ACAP2: variants seen among roughly 807,000 people sequenced by gnomAD.
ACAP2 encodes arf-GAP with coiled-coil, ANK repeat and PH domain-containing protein 2.
In ACAP2, 39 loss-of-function variants were observed where a neutral mutation model predicts 115.8. The ratio of observed to expected loss-of-function variants is 0.34; its 90% confidence interval spans 0.26 to 0.44. ACAP2 has a LOEUF of 0.44. Among genes scored for constraint, ACAP2 ranks in the 20% least tolerant of loss-of-function variants. ACAP2 has a pLI of 1.00. For synonymous variants in ACAP2, 289 were observed against 315.8 expected, an observed-to-expected ratio of 0.92 and a Z score of 0.90; for missense variants, 662 against 927.6, an observed-to-expected ratio of 0.71 and a Z score of 3.72.
chr3:195,415,443 A>C (rs1713640809), intron 1 of ACAP2, among the ~76,000 whole-genome samples: 1 of 151,772 alleles, frequency 6.6e-6, no homozygotes, highest in Non-Finnish European at 1.5e-5. Flanking sequence ...TGCCCAGCTA[A>C]TTTTTGCATT....
At chr3:195,424,055 C>T (rs1214050971) in intron 1 of ACAP2, among the ~76,000 whole-genome samples, 2 of 151,782 alleles carry the variant, frequency 1.3e-5, no homozygotes, top group Non-Finnish European at 2.9e-5. Context: ...TTACCAACTC[C>T]TGGCTTAGAT....
intron 2 of ACAP2, 29 bp from the exon 3 acceptor site, chr3:195,382,051 T>G (rs769659146): frequency 1.3e-6 from 2 of 1,593,324 alleles, no homozygotes; most frequent in African/African-American, 2.7e-5. Flanking sequence ...ATTCATCAGG[T>G]TGAAGATAGT....
chr3:195,431,864 GTTA>G (rs1291901827), intron 1 of ACAP2, among the ~76,000 whole-genome samples: 14 of 152,068 alleles, frequency 9.2e-5, no homozygotes, highest in African/African-American at 3.4e-4. Context: ...CCCAATGCTG[GTTA>G]TTATCTGTCT....
intron 13 of ACAP2, among the ~76,000 whole-genome samples, chr3:195,304,636 AG>A (rs1365243362): frequency 6.6e-6 from 1 of 152,254 alleles, no homozygotes; most frequent in Non-Finnish European, 1.5e-5. Context: ...TGGAAGCCAG[AG>A]GATTAAATGA....
At chr3:195,398,853 A>G (rs1380336939) in intron 1 of ACAP2, among the ~76,000 whole-genome samples, 2 of 152,144 alleles carry the variant, frequency 1.3e-5, no homozygotes, top group Non-Finnish European at 2.9e-5. Flanking sequence ...GAAAGGGAGT[A>G]GTGGAAAAAC....
chr3:195,351,156 C>T (rs1452620991), intron 4 of ACAP2, among the ~76,000 whole-genome samples: 2 of 136,404 alleles, frequency 1.5e-5, no homozygotes, highest in African/African-American at 5.4e-5. Flanking sequence ...CTTGCTCTGT[C>T]GCCCAGGCTG....
At chr3:195,372,647 C>A (rs1470310880) in intron 4 of ACAP2, among the ~76,000 whole-genome samples, 1 of 151,916 alleles carries the variant, frequency 6.6e-6, no homozygotes, top group Non-Finnish European at 1.5e-5. Flanking sequence ...CACAGGAAGA[C>A]CCCCGCTCTA....
At chr3:195,379,689 A>G (rs1291648507) in intron 4 of ACAP2, among the ~76,000 whole-genome samples, 2 of 152,200 alleles carry the variant, frequency 1.3e-5, no homozygotes, top group African/African-American at 4.8e-5. Context: ...CTGTAGTCCT[A>G]GCCAATTGGG....
chr3:195,419,356 A>T (rs1488292439), intron 1 of ACAP2: 1 of 152,202 alleles, frequency 6.6e-6, no homozygotes, highest in Non-Finnish European at 1.5e-5. Context: ...CTCTCCAAAT[A>T]CATAGGATTT....
chr3:195,305,082 C>G (rs750146942), intron 13 of ACAP2, among the ~76,000 whole-genome samples: 4 of 152,124 alleles, frequency 2.6e-5, no homozygotes. Context: ...ATCCACAGCT[C>G]TAACACTGAT....
intron 2 of ACAP2, among the ~76,000 whole-genome samples, chr3:195,386,487 T>C (rs1488339210): frequency 6.6e-6 from 1 of 152,158 alleles, no homozygotes; most frequent in East Asian, 1.9e-4. Context: ...TTCATGTCCT[T>C]TGCAGAGACA....
intron 1 of ACAP2, among the ~76,000 whole-genome samples, chr3:195,425,615 C>T (rs1714624929): frequency 6.6e-6 from 1 of 152,036 alleles, no homozygotes; most frequent in African/African-American, 2.4e-5. Context: ...CAATGCCAGC[C>T]CTATTTAACA....
At chr3:195,365,275 T>TA (rs1732641118) in intron 4 of ACAP2, among the ~76,000 whole-genome samples, 1 of 152,198 alleles carries the variant, frequency 6.6e-6, no homozygotes, top group African/African-American at 2.4e-5. Flanking sequence ...ACAAGGTGTA[T>TA]AACTGGATTG....
Position 195,443,002 on chromosome 3 carries a change from G to A in ACAP2, c.-155C>T, listed in dbSNP as rs1007909375. 4 of 579,234 alleles carry A rather than the reference G, an allele frequency of 6.9e-6. No homozygotes were observed. Among genetic ancestry groups the A allele is most frequent in the Non-Finnish European group, 8.5e-6 (3 of 354,002 alleles). 35.9% of individuals were successfully genotyped at this position (579,234 alleles called of 1,614,324 possible). A position where few individuals can be genotyped will look rare whatever the true frequency, so the allele number is the denominator to read the frequency against. On this transcript the variant is annotated 5_prime_UTR_variant, in exon 1 of 23. Coordinates refer to ENST00000326793, the MANE Select transcript of ACAP2 (RefSeq NM_012287.6). ...GCCCGCTGGTCATAGCAGCCGCGAA[G>A]ACGGCGACGACTAGTCAGGCCCCAG...
intron 15 of ACAP2, 88 bp from the exon 16 acceptor site, chr3:195,297,369 G>C: frequency 9.3e-7 from 1 of 1,081,078 alleles, no homozygotes; most frequent in Non-Finnish European, 1.3e-6. Flanking sequence ...AGCAAGTACA[G>C]TTAACTAATC....
intron 1 of ACAP2, among the ~76,000 whole-genome samples, chr3:195,407,874 C>T (rs1712921678): frequency 2.0e-5 from 3 of 152,072 alleles, no homozygotes; most frequent in Non-Finnish European, 2.9e-5. Flanking sequence ...ACCAAAAACT[C>T]GTTCTTTGAA....
At chr3:195,336,850 G>T in intron 7 of ACAP2, 82 bp downstream of exon 7, 1 of 1,069,528 alleles carries the variant, frequency 9.3e-7, no homozygotes, top group East Asian at 2.5e-5. Context: ...CATGTATATA[G>T]CAGATGCTCT....
chr3:195,299,253 A>T (rs936644050), intron 15 of ACAP2, among the ~76,000 whole-genome samples: 25 of 152,242 alleles, frequency 1.6e-4, no homozygotes, highest in African/African-American at 6.0e-4. Flanking sequence ...TCAATTACTG[A>T]TGCTAAGAAA....
intron 1 of ACAP2, among the ~76,000 whole-genome samples, chr3:195,414,917 T>TA (rs1577444204): frequency 6.6e-6 from 1 of 152,156 alleles, no homozygotes; most frequent in Admixed American, 6.5e-5. Flanking sequence ...CATGACATTC[T>TA]AAAAAAAGAC....
Sources: gnomAD v4.1 joint callset for allele counts (sites outside exome capture counted in the v4.1 genomes callset) on GRCh38, gnomAD v4.1.1 for gene constraint, MANE v1.5 for transcripts, NCBI Gene and HGNC (gene_info 2026-07-23, HGNC 2026-07-21) for gene names.